The following CHCHD3 variants were observed in gnomAD, a reference collection of about 807,000 sequenced individuals.
The protein encoded by CHCHD3 is coiled-coil-helix-coiled-coil-helix domain containing 3, also known as MICOS complex subunit MIC19.
In CHCHD3, 20 loss-of-function variants were observed where a neutral mutation model predicts 38.2. The ratio of observed to expected loss-of-function variants is 0.52; its 90% CI spans 0.37 to 0.76. The LOEUF (loss-of-function observed/expected upper bound fraction) is 0.76, where lower values mean the gene tolerates loss of function less well. CHCHD3 is among the 30% of genes least tolerant of loss of function. The pLI, the probability that CHCHD3 is intolerant of heterozygous loss-of-function variation, is 0.00. For synonymous variants in CHCHD3, 82 were observed against 100.0 expected, an observed-to-expected ratio of 0.82 and a Z score of 1.07; for missense variants, 245 against 279.2, an observed-to-expected ratio of 0.88 and a Z score of 0.87.
intron 6 of CHCHD3, among the ~76,000 whole-genome samples, chr7:132,821,655 G>C (rs1357393755): frequency 6.7e-6 from 1 of 148,958 alleles, no homozygotes; most frequent in Non-Finnish European, 1.5e-5. Context: ...TATAAAGGTA[G>C]AATTTTATGA....
chr7:132,858,851 G>A (rs780503761), intron 5 of CHCHD3, among the ~76,000 whole-genome samples: 7 of 152,056 alleles, frequency 4.6e-5, no homozygotes, highest in Non-Finnish European at 1.0e-4. Context: ...CAGGACATGC[G>A]CTTTACATAG....
intron 4 of CHCHD3, among the ~76,000 whole-genome samples, chr7:132,963,694 T>TACATACACACACAC (rs146626206): frequency 6.0e-5 from 9 of 148,796 alleles, no homozygotes; most frequent in Non-Finnish European, 1.2e-4. Flanking sequence ...CAAACGATTA[T>TACATACACACACAC]ACACACACAC....
At chr7:133,029,825 C>T (rs901776616) in intron 2 of CHCHD3, among the ~76,000 whole-genome samples, 21 of 152,160 alleles carry the variant, frequency 1.4e-4, no homozygotes, top group African/African-American at 5.1e-4. Flanking sequence ...GTGGCATCGT[C>T]CAGGTAGGCC....
intron 4 of CHCHD3, among the ~76,000 whole-genome samples, chr7:132,971,725 T>C (rs1158091663): frequency 6.7e-6 from 1 of 148,220 alleles, no homozygotes; most frequent in Admixed American, 6.6e-5. Flanking sequence ...GACAACTTTT[T>C]AATTACTTCA....
intron 5 of CHCHD3, among the ~76,000 whole-genome samples, chr7:132,844,581 G>GT (rs1386338644): frequency 6.6e-6 from 1 of 152,208 alleles, no homozygotes; most frequent in Admixed American, 6.5e-5. Flanking sequence ...TATCAAAGGT[G>GT]TGATTTAATA....
chr7:132,913,632 G>A (rs775971724), intron 4 of CHCHD3, among the ~76,000 whole-genome samples: 4 of 152,346 alleles, frequency 2.6e-5, no homozygotes, highest in Non-Finnish European at 5.9e-5. Context: ...GAGGTCTACC[G>A]ATTCTGAAGC....
chr7:133,081,790 C>A (rs1165206126), intron 1 of CHCHD3, 67 bp downstream of exon 1: 21 of 1,486,654 alleles, frequency 1.4e-5, no homozygotes, highest in Non-Finnish European at 1.7e-5. Flanking sequence ...CTGAGCGGGT[C>A]CGGAGAAGAT....
Position 132,785,123 on chromosome 7 carries a change from T to A in CHCHD3, c.*514A>T, listed in dbSNP as rs1806280154. 1 of 153,460 alleles carries A rather than the reference T, an allele frequency of 6.5e-6. No individual in the cohort carries two copies. The allele number at this position is 153,460 out of a possible 1,614,324, so 9.5% of individuals were successfully genotyped here. ...GGAGAAAAGAAAGACAAAACCAACA[T>A]GCCACAGCCTAGACAATTCCATCCA... is the stretch of plus-strand genomic sequence containing the variant. On this transcript the variant is annotated 3_prime_UTR_variant, in exon 8 of 8. Transcript: ENST00000262570.
chr7:133,027,121 T>A (rs1813362672), intron 2 of CHCHD3, among the ~76,000 whole-genome samples: 1 of 151,730 alleles, frequency 6.6e-6, no homozygotes, highest in Non-Finnish European at 1.5e-5. Context: ...TTATTTTTGG[T>A]AGAGACGGGA....
chr7:132,854,426 T>C (rs1324764282), intron 5 of CHCHD3, among the ~76,000 whole-genome samples: 1 of 152,140 alleles, frequency 6.6e-6, no homozygotes, highest in East Asian at 1.9e-4. Flanking sequence ...GATATAAGAA[T>C]AAGGACAGTT....
intron 3 of CHCHD3, among the ~76,000 whole-genome samples, chr7:132,990,955 C>T (rs943750738): frequency 6.9e-6 from 1 of 145,522 alleles, no homozygotes; most frequent in Non-Finnish European, 1.5e-5. Context: ...CACACATACA[C>T]ACACACACAC....
chr7:132,920,023 C>T (rs769708632), intron 4 of CHCHD3, among the ~76,000 whole-genome samples: 2 of 152,130 alleles, frequency 1.3e-5, no homozygotes, highest in South Asian at 4.2e-4. Context: ...GGGGTAGAGC[C>T]ACAGCTAGCA....
At chr7:132,947,204 A>T (rs10240304) in intron 4 of CHCHD3, among the ~76,000 whole-genome samples, 1 of 151,966 alleles carries the variant, frequency 6.6e-6, no homozygotes, top group African/African-American at 2.4e-5. Flanking sequence ...TATTATTATC[A>T]TAGTTGAAGG....
At chr7:133,056,573 T>C (rs540211583) in intron 2 of CHCHD3, among the ~76,000 whole-genome samples, 2 of 152,110 alleles carry the variant, frequency 1.3e-5, no homozygotes, top group South Asian at 2.1e-4. Flanking sequence ...GTCTGGCACA[T>C]AGCCAGTAAT....
intron 5 of CHCHD3, among the ~76,000 whole-genome samples, chr7:132,841,422 C>A (rs868047168): frequency 1.5e-5 from 2 of 136,502 alleles, no homozygotes; most frequent in African/African-American, 5.3e-5. Context: ...AAACAAACAA[C>A]AACAACAAAA....
intron 2 of CHCHD3, among the ~76,000 whole-genome samples, chr7:133,033,993 A>T (rs926257019): frequency 2.6e-5 from 4 of 152,216 alleles, no homozygotes; most frequent in Non-Finnish European, 5.9e-5. Flanking sequence ...AAACAGATTA[A>T]AACTCATCTA....
chr7:132,881,710 T>C (rs1416381410), intron 5 of CHCHD3, among the ~76,000 whole-genome samples: 2 of 152,202 alleles, frequency 1.3e-5, no homozygotes, highest in African/African-American at 2.4e-5. Context: ...CTGCAAATTA[T>C]ATTAATATTA....
intron 5 of CHCHD3, among the ~76,000 whole-genome samples, chr7:132,864,938 C>T (rs945372410): frequency 2.6e-5 from 4 of 152,110 alleles, no homozygotes; most frequent in African/African-American, 4.8e-5. Context: ...AATGTCAGCA[C>T]GATCTCTACT....
intron 6 of CHCHD3, among the ~76,000 whole-genome samples, chr7:132,802,910 C>T (rs996145287): frequency 2.0e-5 from 3 of 152,078 alleles, no homozygotes; most frequent in Non-Finnish European, 4.4e-5. Flanking sequence ...ACAAATTGCG[C>T]TTTCGTCTGG....
Sources: allele counts gnomAD v4.1 joint callset (sites outside exome capture counted in the v4.1 genomes callset), GRCh38; gene constraint gnomAD v4.1.1; transcripts MANE v1.5; gene names NCBI Gene and HGNC (gene_info 2026-07-23, HGNC 2026-07-21).